NDRG2: variants seen among roughly 807,000 people sequenced by gnomAD.
The protein encoded by NDRG2 is protein NDRG2.
A neutral mutation model predicts 58.2 loss-of-function variants in NDRG2; 34 were observed. That is an observed-to-expected ratio of 0.58 (90% CI 0.44 to 0.78). The LOEUF is 0.78. NDRG2 is among the 30% of genes least tolerant of loss of function. The pLI is 0.00. For synonymous variants in NDRG2, 187 were observed against 175.9 expected (o/e 1.06, Z -0.50); for missense variants, 434 against 471.2 (o/e 0.92, Z 0.73).
At chr14:21,033,496 A>T (rs1239740220) in intron 1 of NDRG2, 1 of 386,478 alleles carries the variant, frequency 2.6e-6, no homozygotes, top group Non-Finnish European at 4.8e-6. Flanking sequence ...TCCATCCAGG[A>T]CTTAGGATCT....
rs10196 is a variant in NDRG2 at position 21,017,347 on chromosome 14, T to A, written c.*249A>T. On this transcript the variant is annotated 3_prime_UTR_variant, in exon 16 of 16. Transcript: ENST00000556147. ...TGCATATGCCCTCTCCACCTTAACA[T>A]CAAAATGGGGGAGGAGGAGAATTTA... 57 of 547,338 alleles carry A rather than the reference T, an allele frequency of 1.0e-4. No homozygotes were observed. Among genetic ancestry groups the A allele is most frequent in the Middle Eastern group, 4.9e-4 (1 of 2,032 alleles). 33.9% of individuals were successfully genotyped at this position (547,338 alleles called of 1,614,324 possible). A position where few individuals can be genotyped will look rare whatever the true frequency, so the allele number is the denominator to read the frequency against.
At chr14:21,060,199 A>C (rs1306480625) in intron 1 of NDRG2, among the ~76,000 whole-genome samples, 2 of 152,230 alleles carry the variant, frequency 1.3e-5, no homozygotes, top group East Asian at 3.8e-4. Context: ...GAGAAAGCAT[A>C]GAATCCAGAA....
In NDRG2 at chr14:21,024,788, C is replaced by T; in HGVS notation, c.-765G>A. On this transcript the variant is annotated 5_prime_UTR_variant, in exon 1 of 16. Coordinates refer to ENST00000556147, the MANE Select transcript of NDRG2 (RefSeq NM_001320329.2). Reference sequence around the variant, plus strand: ...CCTACGCAGCCCGTCCGCGTGGAGACTGACACCCTTGCGTGGCCGGTGCCA... The same window carrying T: ...CCTACGCAGCCCGTCCGCGTGGAGATTGACACCCTTGCGTGGCCGGTGCCA... The T allele has an allele frequency of 3.0e-6, 3 of 985,724 alleles. No homozygotes were observed. Among genetic ancestry groups the T allele is most frequent in the Middle Eastern group, 5.2e-4 (1 of 1,918 alleles). 61.1% of individuals were successfully genotyped at this position (985,724 alleles called of 1,614,324 possible).
In NDRG2 at chr14:21,024,477, A is replaced by G; in HGVS notation, c.-454T>C. 1.0e-6 allele frequency: 1 copy of G among 966,566 alleles called. No homozygotes were observed. Among genetic ancestry groups the G allele is most frequent in the Non-Finnish European group, 1.2e-6 (1 of 812,836 alleles). 59.9% of individuals were successfully genotyped at this position (966,566 alleles called of 1,614,324 possible). On this transcript the variant is annotated 5_prime_UTR_variant, in exon 1 of 16. Coordinates refer to ENST00000556147, the MANE Select transcript of NDRG2 (RefSeq NM_001320329.2). ...GCAGGGGGACTAAACGCGGGGGAAT[A>G]GGGGATCCCCAAAATTTTTGACAGC...
At position 21,016,974 on chromosome 14, in the gene NDRG2, G is replaced by GGCCCCAGGCCCCTTCCTGTT. The variant is rs774882202; in HGVS notation, c.*602_*621dup. 3 of 456,470 alleles carry GGCCCCAGGCCCCTTCCTGTT rather than the reference G, an allele frequency of 6.6e-6. No individual in the cohort carries two copies. The highest frequency in any genetic ancestry group is 4.6e-5 in the South Asian group (3 of 64,550). The allele number at this position is 456,470 out of a possible 1,614,324, so 28.3% of individuals were successfully genotyped here. A position where few individuals can be genotyped will look rare whatever the true frequency, so the allele number is the denominator to read the frequency against. On this transcript the variant is annotated 3_prime_UTR_variant, in exon 16 of 16. Coordinates refer to ENST00000556147, the MANE Select transcript of NDRG2 (RefSeq NM_001320329.2). ...GCTACCAAAGTTAGTGCAGCCAAAC[G>GGCCCCAGGCCCCTTCCTGTT]GCCCCAGGCCCCTTCCTGTTGCCCC... is the stretch of plus-strand genomic sequence containing the variant.
chr14:21,021,202 T>C (rs1490814556), intron 6 of NDRG2: 6 of 438,380 alleles, frequency 1.4e-5, no homozygotes, highest in African/African-American at 1.0e-4. Context: ...CTGGTTCCTC[T>C]AGAGGAACGG....
In NDRG2 at chr14:21,022,902, C is replaced by T. The variant is rs2138964697; in HGVS notation, c.79G>A (p.Ala27Thr). 2.5e-6 allele frequency: 4 copies of T among 1,614,070 alleles called. No individual in the cohort carries two copies. The highest frequency in any genetic ancestry group is 3.3e-5 in the Admixed American group (2 of 60,006). Residue 27 changes from alanine to threonine, a missense_variant, in exon 3 of 16, where the codon GCT (alanine) becomes ACT (threonine). Physicochemically the swap from Ala to Thr is moderately conservative, Grantham distance 58. Coordinates refer to ENST00000556147, the MANE Select transcript of NDRG2 (RefSeq NM_001320329.2). ...PGQTPEAAKE[A>T]ELAARILLDQ... is the part of the protein sequence containing the mutation. ...AGGAGGATTCGGGCAGCTAACTCAG[C>T]CTCCTGGAGAGACACACACGGATTC... is the stretch of plus-strand genomic sequence containing the variant.
intron 1 of NDRG2, among the ~76,000 whole-genome samples, chr14:21,061,900 G>GGTATTCCTGAATACC (rs1202994946): frequency 6.6e-6 from 1 of 152,086 alleles, no homozygotes; most frequent in African/African-American, 2.4e-5. Context: ...AGGTTTTTAA[G>GGTATTCCTGAATACC]TATTCAGGAA....
chr14:21,061,774 A>AT (rs1233386355), intron 1 of NDRG2, among the ~76,000 whole-genome samples: 1 of 152,260 alleles, frequency 6.6e-6, no homozygotes, highest in East Asian at 1.9e-4. Context: ...TAGGCTTGTC[A>AT]TTCTAATTTA....
chr14:21,026,897 A>G (rs1392278187), upstream of NDRG2, among the ~76,000 whole-genome samples: 1 of 152,304 alleles, frequency 6.6e-6, no homozygotes, highest in African/African-American at 2.4e-5. Context: ...TGCGCAAGAC[A>G]GGAGAGATCT....
At chr14:21,033,017 G>A (rs750829405) in intron 1 of NDRG2, 1 of 454,584 alleles carries the variant, frequency 2.2e-6, no homozygotes, top group South Asian at 1.6e-5. Flanking sequence ...GCAGACTCTG[G>A]AGTCTGGGGG....
At chr14:21,018,899 T>C (rs1878468308) in intron 11 of NDRG2, 85 bp from the exon 12 acceptor site, 3 of 1,551,312 alleles carry the variant, frequency 1.9e-6, no homozygotes, top group East Asian at 2.3e-5. Context: ...TGGAAAAATA[T>C]CTGGCTCCAA....
chr14:21,061,477 G>A (rs1020123849), intron 1 of NDRG2, among the ~76,000 whole-genome samples: 5 of 152,108 alleles, frequency 3.3e-5, no homozygotes, highest in African/African-American at 4.8e-5. Flanking sequence ...CCACTCTGAG[G>A]GTAATGACAC....
intron 1 of NDRG2, chr14:21,033,416 C>G (rs77537532): frequency 0.03 from 8,283 of 279,994 alleles, 253 homozygotes; most frequent in East Asian, 0.12. Context: ...CATGAGAAGG[C>G]TGGTGGGGAT....
At chr14:21,017,882 T>G in intron 15 of NDRG2, 105 bp downstream of exon 15, 1 of 1,602,782 alleles carries the variant, frequency 6.2e-7, no homozygotes, top group Non-Finnish European at 8.5e-7. Flanking sequence ...ATCAACGAGC[T>G]CGATTGGGCA....
At chr14:21,036,814 C>T (rs997322431) in intron 1 of NDRG2, among the ~76,000 whole-genome samples, 2 of 152,208 alleles carry the variant, frequency 1.3e-5, no homozygotes, top group Non-Finnish European at 2.9e-5. Flanking sequence ...GAAGACCTCG[C>T]CAAGGAAGTG....
chr14:21,022,326 T>A, intron 4 of NDRG2, 66 bp downstream of exon 4: 1 of 1,579,926 alleles, frequency 6.3e-7, no homozygotes, highest in Non-Finnish European at 8.7e-7. Context: ...CCCTCTGGGT[T>A]TCATTTCTAC....
chr14:21,033,421 G>C lies in NDRG2; in HGVS notation c.25-10100C>G, dbSNP rs533917223. On this transcript the variant is annotated intron_variant, in intron 1 of 14. Coordinates refer to the NDRG2 transcript ENST00000403829. ...GGGAGGCTGACATGAGAAGGCTGGTGGGGATGGGGAGGTGAGACTCGGAGC... is the reference window on the plus strand; with the variant it reads ...GGGAGGCTGACATGAGAAGGCTGGTCGGGATGGGGAGGTGAGACTCGGAGC... The C allele has an allele frequency of 1.7e-5, 5 of 288,306 alleles. No homozygotes were observed. The South Asian group carries it at 1.9e-4, about 11-fold the overall frequency. 17.9% of individuals were successfully genotyped at this position (288,306 alleles called of 1,614,324 possible). A position where few individuals can be genotyped will look rare whatever the true frequency, so the allele number is the denominator to read the frequency against.
chr14:21,018,123 G>T (rs374448900), intron 14 of NDRG2, 81 bp downstream of exon 14: 6 of 1,598,908 alleles, frequency 3.8e-6, no homozygotes, highest in Non-Finnish European at 1.7e-6. Flanking sequence ...CTGTGGGGCC[G>T]GGTGTGTGGC....
Sources: gnomAD v4.1 joint callset for allele counts (sites outside exome capture counted in the v4.1 genomes callset) on GRCh38, gnomAD v4.1.1 for gene constraint, MANE v1.5 for transcripts, NCBI Gene and HGNC (gene_info 2026-07-23, HGNC 2026-07-21) for gene names.